The following SORCS2 variants were observed in gnomAD, a reference collection of about 807,000 sequenced individuals.
SORCS2 encodes the protein sortilin related VPS10 domain containing receptor 2.
In SORCS2, 100 loss-of-function variants were observed where a neutral mutation model predicts 141.6. That is an observed-to-expected ratio of 0.71 (90% CI 0.60 to 0.83). The LOEUF is 0.83. Among genes scored for constraint, SORCS2 ranks in the 40% least tolerant of loss-of-function variants. The pLI is 0.00. For missense variants in SORCS2, 1,646 were observed against 1,560.2 expected (o/e 1.05, Z -0.93); for synonymous variants, 789 against 676.9 (o/e 1.17, Z -2.57).
At chr4:7,518,306 C>G (rs1288869158) in intron 2 of SORCS2, among the ~76,000 whole-genome samples, 1 of 152,174 alleles carries the variant, frequency 6.6e-6, no homozygotes, top group African/African-American at 2.4e-5. Context: ...GGCTTGATCT[C>G]AAGCCCAGTC....
chr4:7,430,091 C>T (rs1467789760), intron 2 of SORCS2, among the ~76,000 whole-genome samples: 1 of 152,126 alleles, frequency 6.6e-6, no homozygotes, highest in Non-Finnish European at 1.5e-5. Context: ...ACTTTCATCC[C>T]TGGAGGTCAC....
In SORCS2 at chr4:7,650,891, T is replaced by C. The variant is rs147507934; in HGVS notation, c.814-3243T>C. Among the ~76,000 whole-genome samples, 343 of 152,200 alleles carry C rather than the reference T, an allele frequency of 2.3e-3. 1 individual carries two copies. The highest frequency in any genetic ancestry group is 8.0e-3 in the African/African-American group (331 of 41,498). On this transcript the variant is annotated intron_variant, in intron 4 of 26. Coordinates refer to ENST00000507866, the MANE Select transcript of SORCS2 (RefSeq NM_020777.3). Reference sequence around the variant, plus strand: ...GAGCTTTGCTTCTATAACAAGGACTTCAGCATATGATGCTTCTGGGGTGCA... The same window carrying C: ...GAGCTTTGCTTCTATAACAAGGACTCCAGCATATGATGCTTCTGGGGTGCA...
intron 3 of SORCS2, among the ~76,000 whole-genome samples, chr4:7,591,893 T>C (rs902592224): frequency 1.6e-4 from 24 of 152,204 alleles, no homozygotes; most frequent in African/African-American, 5.3e-4. Flanking sequence ...CGCTTTTCTG[T>C]GCTTGTGTGT....
At chr4:7,355,639 A>G (rs1721203737) in intron 1 of SORCS2, among the ~76,000 whole-genome samples, 1 of 152,058 alleles carries the variant, frequency 6.6e-6, no homozygotes, top group African/African-American at 2.4e-5. Context: ...TGCAACAAGG[A>G]AGTGAAAGAT....
chr4:7,434,012 C>G, intron 2 of SORCS2: 1 of 1,612,418 alleles, frequency 6.2e-7, no homozygotes, highest in African/African-American at 1.3e-5. Context: ...GTCACACCGG[C>G]CTTCATCTGC....
At chr4:7,347,530 G>T (rs1213246725) in intron 1 of SORCS2, among the ~76,000 whole-genome samples, 1 of 152,140 alleles carries the variant, frequency 6.6e-6, no homozygotes, top group East Asian at 1.9e-4. Context: ...CTTGAGTGAG[G>T]CCCAGGGAGG....
At chr4:7,536,214 T>C (rs1056819285) in intron 3 of SORCS2, among the ~76,000 whole-genome samples, 12 of 152,144 alleles carry the variant, frequency 7.9e-5, no homozygotes, top group Admixed American at 2.6e-4. Context: ...GTAGGCAAGT[T>C]CCTAATCTGC....
At chr4:7,660,232 A>G (rs1444345986) in intron 5 of SORCS2, among the ~76,000 whole-genome samples, 1 of 152,210 alleles carries the variant, frequency 6.6e-6, no homozygotes, top group Non-Finnish European at 1.5e-5. Flanking sequence ...TTCGCCCAGC[A>G]GGGCAATGAA....
In SORCS2 at chr4:7,538,587, T is replaced by TCACACACACACACACACACA. The variant is rs34526550; in HGVS notation, c.648+6963_648+6982dup. Among the ~76,000 whole-genome samples, 1,320 of 150,678 alleles carry TCACACACACACACACACACA rather than the reference T, an allele frequency of 8.8e-3. 5 individuals are homozygous for TCACACACACACACACACACA. Among genetic ancestry groups the TCACACACACACACACACACA allele is most frequent in the African/African-American group, 0.011 (465 of 40,974 alleles). ...ATCAGTGTTGGCTTGAATATTAAAA[T>TCACACACACACACACACACA]CACACACACACACACACACACACAT... On this transcript the variant is annotated intron_variant, in intron 3 of 26. Coordinates refer to ENST00000507866, the MANE Select transcript of SORCS2 (RefSeq NM_020777.3).
chr4:7,396,774 C>T (rs1459309619), intron 2 of SORCS2, among the ~76,000 whole-genome samples: 3 of 152,190 alleles, frequency 2.0e-5, no homozygotes, highest in African/African-American at 7.2e-5. Flanking sequence ...TTCTTTCTTC[C>T]AGGCTTAGCC....
At chr4:7,515,614 C>T (rs1016122884) in intron 2 of SORCS2, among the ~76,000 whole-genome samples, 3 of 152,164 alleles carry the variant, frequency 2.0e-5, no homozygotes, top group Non-Finnish European at 4.4e-5. Flanking sequence ...CAGATGCTGC[C>T]GCTCGGAACC....
intron 3 of SORCS2, among the ~76,000 whole-genome samples, chr4:7,537,409 G>C (rs935336887): frequency 6.6e-6 from 1 of 152,216 alleles, no homozygotes; most frequent in African/African-American, 2.4e-5. Context: ...TTCGTGGTGA[G>C]AGGGCAGCTT....
intron 3 of SORCS2, among the ~76,000 whole-genome samples, chr4:7,561,903 C>G (rs1194014022): frequency 6.6e-6 from 1 of 152,150 alleles, no homozygotes; most frequent in Non-Finnish European, 1.5e-5. Context: ...ATCCATCAAT[C>G]TACTCATGCA....
chr4:7,403,311 G>A (rs1724716330), intron 2 of SORCS2, among the ~76,000 whole-genome samples: 1 of 152,138 alleles, frequency 6.6e-6, no homozygotes. Flanking sequence ...GAGCTGACAG[G>A]AACAGGACTG....
chr4:7,371,742 G>A (rs1315373712), intron 1 of SORCS2, among the ~76,000 whole-genome samples: 1 of 152,206 alleles, frequency 6.6e-6, no homozygotes, highest in Non-Finnish European at 1.5e-5. Flanking sequence ...ACGTGGAGGC[G>A]GGTGTGTGTC....
chr4:7,708,162 T>G (rs184171095), intron 14 of SORCS2, among the ~76,000 whole-genome samples: 1 of 152,296 alleles, frequency 6.6e-6, no homozygotes, highest in Non-Finnish European at 1.5e-5. Context: ...TCGCCGCAAA[T>G]GAGCCCTCAA....
intron 3 of SORCS2, among the ~76,000 whole-genome samples, chr4:7,631,645 C>G (rs187201287): frequency 2.0e-5 from 3 of 152,254 alleles, no homozygotes; most frequent in Admixed American, 2.0e-4. Flanking sequence ...TGTGACCCCC[C>G]CGGGGGGGCA....
intron 19 of SORCS2, among the ~76,000 whole-genome samples, chr4:7,724,279 GGTGGTGGTGGTGATA>G (rs1726859771): frequency 7.2e-6 from 1 of 138,710 alleles, no homozygotes; most frequent in African/African-American, 3.0e-5. Flanking sequence ...TGATGGTGGT[GGTGGTGGTGGTGATA>G]ATGGTGACAA....
At chr4:7,546,466 A>G (rs1279686467) in intron 3 of SORCS2, among the ~76,000 whole-genome samples, 1 of 152,166 alleles carries the variant, frequency 6.6e-6, no homozygotes, top group Non-Finnish European at 1.5e-5. Flanking sequence ...TGTCGGCTCC[A>G]TCGCAGTGAG....
Sources: gnomAD v4.1 joint callset for allele counts (sites outside exome capture counted in the v4.1 genomes callset) on GRCh38, gnomAD v4.1.1 for gene constraint, MANE v1.5 for transcripts, NCBI Gene and HGNC (gene_info 2026-07-23, HGNC 2026-07-21) for gene names.